The following LRRC4C variants were observed in gnomAD, a reference collection of about 807,000 sequenced individuals.
LRRC4C encodes the protein leucine-rich repeat-containing protein 4C.
In LRRC4C, 5 loss-of-function variants were observed where a neutral mutation model predicts 33.6. The observed-to-expected ratio is 0.15, with a 90% confidence interval of 0.08 to 0.31. LRRC4C has a LOEUF of 0.31. LRRC4C is among the 10% of genes least tolerant of loss of function. LRRC4C has a pLI of 1.00. For synonymous variants in LRRC4C, 329 were observed against 302.0 expected (o/e 1.09, Z -0.93); for missense variants, 560 against 796.7 (o/e 0.70, Z 3.58).
chr11:40,951,797 G>A (rs749817427), intron 1 of LRRC4C, among the ~76,000 whole-genome samples: 70 of 152,008 alleles, frequency 4.6e-4, no homozygotes, highest in Non-Finnish European at 8.5e-4. Flanking sequence ...AGAAGACTAG[G>A]AGTAATAAAA....
intron 2 of LRRC4C, among the ~76,000 whole-genome samples, chr11:40,812,726 T>A (rs964016182): frequency 6.6e-6 from 1 of 152,194 alleles, no homozygotes; most frequent in African/African-American, 2.4e-5. Flanking sequence ...TTTTCATTTA[T>A]CCTAAAAGCA....
intron 3 of LRRC4C, among the ~76,000 whole-genome samples, chr11:40,481,754 GTGTT>G (rs563022688): frequency 5.9e-5 from 9 of 152,024 alleles, no homozygotes; most frequent in South Asian, 2.1e-4. Context: ...TTTTTGGTAG[GTGTT>G]TGTTTGTTTG....
chr11:40,454,795 G>A (rs2138121364), intron 3 of LRRC4C, among the ~76,000 whole-genome samples: 1 of 152,176 alleles, frequency 6.6e-6, no homozygotes, highest in African/African-American at 2.4e-5. Context: ...ACCTTTATGG[G>A]TGAGCTGGTT....
At chr11:40,898,366 A>AAAAAAAAAAAAAG (rs1554991246) in intron 2 of LRRC4C, among the ~76,000 whole-genome samples, 18 of 117,454 alleles carry the variant, frequency 1.5e-4, no homozygotes, top group Non-Finnish European at 2.5e-4. Context: ...AAAAAAAAAA[A>AAAAAAAAAAAAAG]AAAAAAGAAA....
intron 3 of LRRC4C, among the ~76,000 whole-genome samples, chr11:40,632,838 T>C (rs896454963): frequency 6.6e-6 from 1 of 152,196 alleles, no homozygotes; most frequent in African/African-American, 2.4e-5. Context: ...GCAATGAAGA[T>C]ACTTTAGCAA....
At chr11:40,687,683 T>C (rs1349491479) in intron 2 of LRRC4C, among the ~76,000 whole-genome samples, 1 of 152,144 alleles carries the variant, frequency 6.6e-6, no homozygotes, top group Non-Finnish European at 1.5e-5. Flanking sequence ...CTTGCTATGA[T>C]TGATGCATGC....
intron 1 of LRRC4C, among the ~76,000 whole-genome samples, chr11:41,436,413 G>A (rs1955431598): frequency 6.6e-6 from 1 of 152,058 alleles, no homozygotes; most frequent in Non-Finnish European, 1.5e-5. Flanking sequence ...TAGTTTTCCT[G>A]TTGTTTGACA....
chr11:40,532,916 T>C (rs768755141), intron 3 of LRRC4C, among the ~76,000 whole-genome samples: 2 of 152,074 alleles, frequency 1.3e-5, no homozygotes, highest in Non-Finnish European at 2.9e-5. Flanking sequence ...AGGCACCTTC[T>C]TCACAAGGTA....
intron 3 of LRRC4C, among the ~76,000 whole-genome samples, chr11:40,505,241 T>G (rs769718440): frequency 6.6e-6 from 1 of 152,152 alleles, no homozygotes; most frequent in Non-Finnish European, 1.5e-5. Flanking sequence ...GGGTATGGCT[T>G]ATGCTTTCTC....
chr11:40,506,519 T>A (rs7117428), intron 3 of LRRC4C, among the ~76,000 whole-genome samples: 9,844 of 152,040 alleles, frequency 0.065, 840 homozygotes, highest in African/African-American at 0.2. Context: ...GCTGAAAATC[T>A]AAACTATTTA....
chr11:40,726,027 A>T (rs1947278063), intron 2 of LRRC4C, among the ~76,000 whole-genome samples: 1 of 152,194 alleles, frequency 6.6e-6, no homozygotes, highest in South Asian at 2.1e-4. Flanking sequence ...TATCCACACA[A>T]ACCAGAAAAT....
chr11:40,741,521 A>G (rs991842736), intron 2 of LRRC4C, among the ~76,000 whole-genome samples: 4 of 152,018 alleles, frequency 2.6e-5, no homozygotes, highest in African/African-American at 9.7e-5. Flanking sequence ...TGCTCAATCC[A>G]ACCCCATTTC....
chr11:41,034,627 AT>A (rs1379018299), intron 1 of LRRC4C, among the ~76,000 whole-genome samples: 1 of 143,658 alleles, frequency 7.0e-6, no homozygotes. Context: ...ATATATATAT[AT>A]ATATATATAT....
chr11:41,319,744 T>C (rs1015913038), intron 1 of LRRC4C, among the ~76,000 whole-genome samples: 1 of 151,976 alleles, frequency 6.6e-6, no homozygotes, highest in African/African-American at 2.4e-5. Flanking sequence ...AAAGATGGGG[T>C]CTTCCTATGT....
rs550285287 is a variant in LRRC4C, at chr11:40,333,188, G to A, written c.-269-13467C>T. 8.9e-4 allele frequency among the ~76,000 whole-genome samples: 135 copies of A among 152,122 alleles called. 1 individual carries two copies. The highest frequency in any genetic ancestry group is 3.0e-3 in the African/African-American group (123 of 41,514). ...TCCTCTTGCTATAATCAAACAATAT[G>A]TAAGGGAATCCTTACTCCTTAAGCT... On this transcript the variant is annotated intron_variant, in intron 3 of 6. Coordinates refer to ENST00000528697, the MANE Select transcript of LRRC4C (RefSeq NM_001258419.2).
chr11:41,275,667 T>C (rs1949461026), intron 1 of LRRC4C, among the ~76,000 whole-genome samples: 1 of 152,214 alleles, frequency 6.6e-6, no homozygotes, highest in Admixed American at 6.5e-5. Context: ...CATAATGTAT[T>C]GTGTGAGCAT....
intron 2 of LRRC4C, among the ~76,000 whole-genome samples, chr11:40,713,000 T>C (rs1946541282): frequency 1.3e-5 from 2 of 151,810 alleles, no homozygotes; most frequent in Non-Finnish European, 2.9e-5. Flanking sequence ...ATGATTCTCC[T>C]GCCTCAGTCT....
At chr11:40,633,290 G>A (rs1217122592) in intron 3 of LRRC4C, among the ~76,000 whole-genome samples, 1 of 151,106 alleles carries the variant, frequency 6.6e-6, no homozygotes, top group Non-Finnish European at 1.5e-5. Flanking sequence ...GCAATAACAG[G>A]CCTTGATTTA....
At chr11:40,191,094 C>A (rs188797882) in intron 5 of LRRC4C, among the ~76,000 whole-genome samples, 6 of 152,278 alleles carry the variant, frequency 3.9e-5, no homozygotes, top group Admixed American at 6.5e-5. Flanking sequence ...CACAACACAT[C>A]AATCAACCCA....
Sources: gnomAD v4.1 joint callset for allele counts (sites outside exome capture counted in the v4.1 genomes callset) on GRCh38, gnomAD v4.1.1 for gene constraint, MANE v1.5 for transcripts, NCBI Gene and HGNC (gene_info 2026-07-23, HGNC 2026-07-21) for gene names.